The following CWH43 variants were observed in gnomAD, a reference collection of about 807,000 sequenced individuals.
CWH43 encodes the protein PGAP2-interacting protein.
Under a neutral mutation model 85.7 loss-of-function variants are expected in CWH43, and 91 were observed. The ratio of observed to expected loss-of-function variants is 1.06; its 90% confidence interval spans 0.90 to 1.26. The LOEUF (loss-of-function observed/expected upper bound fraction) is 1.26, where lower values mean the gene tolerates loss of function less well. Among genes scored for constraint, CWH43 ranks in the 50% most tolerant of loss-of-function variants. The pLI, the probability that CWH43 is intolerant of heterozygous loss-of-function variation, is 0.00. For synonymous variants in CWH43, 323 were observed against 293.6 expected (o/e 1.10, Z -1.02); for missense variants, 869 against 839.2 (o/e 1.04, Z -0.44).
chr4:49,006,957 A>G (rs149685329), intron 7 of CWH43, among the ~76,000 whole-genome samples: 2 of 152,314 alleles, frequency 1.3e-5, no homozygotes, highest in East Asian at 3.9e-4. Flanking sequence ...AAGAAATTCA[A>G]AGAAATATGT....
intron 15 of CWH43, among the ~76,000 whole-genome samples, chr4:49,056,395 T>G (rs987683880): frequency 6.6e-6 from 1 of 152,182 alleles, no homozygotes; most frequent in Non-Finnish European, 1.5e-5. Flanking sequence ...GAGTCAGTCT[T>G]GGTAGATTGT....
At chr4:48,994,125 A>G (rs1207767414) in intron 4 of CWH43, among the ~76,000 whole-genome samples, 1 of 152,170 alleles carries the variant, frequency 6.6e-6, no homozygotes, top group African/African-American at 2.4e-5. Flanking sequence ...GTGAAAGTTA[A>G]ATGAGTTAAT....
At chr4:49,043,356 G>A (rs557617024) in intron 13 of CWH43, among the ~76,000 whole-genome samples, 21 of 152,252 alleles carry the variant, frequency 1.4e-4, no homozygotes, top group African/African-American at 4.6e-4. Flanking sequence ...ATGTAAAAAT[G>A]GCATCCTAAT....
chr4:49,030,585 T>A (rs531793407), intron 10 of CWH43, among the ~76,000 whole-genome samples: 2 of 152,184 alleles, frequency 1.3e-5, no homozygotes, highest in East Asian at 1.9e-4. Flanking sequence ...CATTTGAAAA[T>A]TTTTATCCTT....
intron 9 of CWH43, among the ~76,000 whole-genome samples, chr4:49,017,807 A>C (rs1783605556): frequency 6.6e-6 from 1 of 151,972 alleles, no homozygotes; most frequent in Non-Finnish European, 1.5e-5. Context: ...GTGGAGCAGG[A>C]ACAAGAGAGA....
intron 13 of CWH43, among the ~76,000 whole-genome samples, chr4:49,039,012 C>T (rs541516340): frequency 7.3e-5 from 11 of 150,374 alleles, no homozygotes; most frequent in East Asian, 2.0e-4. Context: ...GAGCTGAGAT[C>T]GCACCACTAC....
chr4:49,006,303 T>C (rs1783157083), intron 7 of CWH43, among the ~76,000 whole-genome samples: 1 of 152,170 alleles, frequency 6.6e-6, no homozygotes, highest in Non-Finnish European at 1.5e-5. Context: ...GTAGAAACAG[T>C]GCATAATTAC....
chr4:49,021,297 T>C (rs756017655), intron 9 of CWH43, among the ~76,000 whole-genome samples: 1 of 152,248 alleles, frequency 6.6e-6, no homozygotes, highest in African/African-American at 2.4e-5. Flanking sequence ...TTAGCACTAT[T>C]TGTTGAATAG....
intron 7 of CWH43, among the ~76,000 whole-genome samples, chr4:49,006,349 G>C (rs890321545): frequency 3.9e-5 from 6 of 152,122 alleles, no homozygotes; most frequent in African/African-American, 1.2e-4. Flanking sequence ...AGAAAAATAA[G>C]AGTGATGTTA....
At chr4:49,047,277 G>T (rs554669677) in intron 14 of CWH43, among the ~76,000 whole-genome samples, 1 of 152,164 alleles carries the variant, frequency 6.6e-6, no homozygotes, top group Non-Finnish European at 1.5e-5. Context: ...GACTCCATTT[G>T]CCATTCAACA....
intron 8 of CWH43, among the ~76,000 whole-genome samples, chr4:49,013,559 G>C (rs1419762329): frequency 1.3e-5 from 2 of 152,170 alleles, no homozygotes; most frequent in Non-Finnish European, 2.9e-5. Context: ...TGCAGAAATC[G>C]CCTGTCTTCT....
intron 8 of CWH43, among the ~76,000 whole-genome samples, chr4:49,010,051 T>C (rs1377150035): frequency 3.3e-5 from 5 of 152,158 alleles, no homozygotes; most frequent in Non-Finnish European, 7.4e-5. Flanking sequence ...AGAAGGTATG[T>C]TACCAGCTCT....
intron 15 of CWH43, among the ~76,000 whole-genome samples, chr4:49,059,309 T>C (rs1030418318): frequency 1.3e-5 from 2 of 152,222 alleles, no homozygotes; most frequent in African/African-American, 4.8e-5. Flanking sequence ...GGTTCTTTTT[T>C]GTGATTTCTA....
At chr4:48,990,153 A>G (rs1486029943) in intron 2 of CWH43, among the ~76,000 whole-genome samples, 1 of 152,174 alleles carries the variant, frequency 6.6e-6, no homozygotes, top group East Asian at 1.9e-4. Context: ...ATGGTAAGGG[A>G]TGTGATATAA....
intron 8 of CWH43, among the ~76,000 whole-genome samples, chr4:49,008,399 C>G (rs2109769014): frequency 6.7e-6 from 1 of 149,726 alleles, no homozygotes; most frequent in East Asian, 2.0e-4. Flanking sequence ...GGATAGATTG[C>G]AAAAATTTTG....
At position 48,986,321 on chromosome 4, in the gene CWH43, C is replaced by T. The variant is rs1231496616; in HGVS notation, c.-109C>T. 1.3e-5 allele frequency: 14 copies of T among 1,068,406 alleles called. No individual in the cohort carries two copies. In the South Asian group the frequency reaches 1.4e-4, roughly 11 times the overall value. 66.2% of individuals were successfully genotyped at this position (1,068,406 alleles called of 1,614,324 possible). ...CAACGGGACGCGGGAACGAGGGGCG[C>T]GGACGCAGGCCCGGGAGGACGCGGC... On this transcript the variant is annotated 5_prime_UTR_variant, in exon 1 of 16. Coordinates refer to ENST00000226432, the MANE Select transcript of CWH43 (RefSeq NM_025087.3).
chr4:48,999,012 G>A (rs1427100647), intron 6 of CWH43, among the ~76,000 whole-genome samples: 1 of 152,054 alleles, frequency 6.6e-6, no homozygotes, highest in Non-Finnish European at 1.5e-5. Context: ...GGGGTTTGTT[G>A]TACAGATTAT....
chr4:49,003,002 T>G (rs1783042389), intron 6 of CWH43, among the ~76,000 whole-genome samples: 1 of 152,188 alleles, frequency 6.6e-6, no homozygotes, highest in Non-Finnish European at 1.5e-5. Context: ...GGGGTTATAT[T>G]GATGGTCCCA....
In CWH43 at chr4:49,030,852, G is replaced by A. The variant is rs757080396; in HGVS notation, c.1400G>A (p.Ser467Asn). The A allele has an allele frequency of 6.3e-7, 1 of 1,588,430 alleles. No homozygotes were observed. The highest frequency in any genetic ancestry group is 1.4e-5 in the African/African-American group (1 of 72,870). The change falls in exon 11 of 16, where the codon AGT (serine) becomes AAT (asparagine). Residue 467 changes from serine (S) to asparagine (N), a missense_variant. Physicochemically the swap from Ser to Asn is conservative, Grantham distance 46. This residue lies in a region of CWH43 where 577 missense variants were observed against 513.1 expected (regional missense o/e 1.12). Coordinates refer to ENST00000226432, the MANE Select transcript of CWH43 (RefSeq NM_025087.3). ...GCAGATTTCATAACAATTTTGGAGA[G>A]TGATGCTTCTAAGCCCTATATGGGG... ...TGADFITILE[S>N]DASKPYMGNN...
Sources: allele counts gnomAD v4.1 joint callset (sites outside exome capture counted in the v4.1 genomes callset), GRCh38; gene constraint gnomAD v4.1.1; regional missense constraint gnomAD v4.1.1; transcripts MANE v1.5; gene names NCBI Gene and HGNC (gene_info 2026-07-23, HGNC 2026-07-21).